Variants in MTA3 observed in about 807,000 individuals in gnomAD.
MTA3 encodes the protein metastasis-associated protein MTA3.
Under a neutral mutation model 83.5 loss-of-function variants are expected in MTA3, and 34 were observed. The observed-to-expected ratio is 0.41, with a 90% confidence interval of 0.31 to 0.54. MTA3 has a LOEUF of 0.54. MTA3 is among the 20% of genes least tolerant of loss of function. The pLI, the probability that MTA3 is intolerant of heterozygous loss-of-function variation, is 0.33. For missense variants in MTA3, 761 were observed against 726.4 expected (o/e 1.05, Z -0.55); for synonymous variants, 303 against 252.7 (o/e 1.20, Z -1.89).
chr2:42,724,672 C>G (rs1469672960), intron 16 of MTA3, among the ~76,000 whole-genome samples: 1 of 151,980 alleles, frequency 6.6e-6, no homozygotes, highest in Non-Finnish European at 1.5e-5. Context: ...GTTACTGTGA[C>G]TGATGTTAGC....
chr2:42,737,839 T>TA (rs2104575665), intron 16 of MTA3, among the ~76,000 whole-genome samples: 1 of 152,324 alleles, frequency 6.6e-6, no homozygotes, highest in South Asian at 2.1e-4. Flanking sequence ...CAGGCCCAGA[T>TA]TTGTATATTG....
intron 4 of MTA3, among the ~76,000 whole-genome samples, chr2:42,632,839 CTTCTT>C (rs1686816177): frequency 1.3e-5 from 2 of 151,902 alleles, no homozygotes; most frequent in Admixed American, 1.3e-4. Flanking sequence ...GTGTGTGTGG[CTTCTT>C]TTAAGTTTTA....
chr2:42,708,446 G>A (rs1261945457), intron 13 of MTA3, among the ~76,000 whole-genome samples: 3 of 152,154 alleles, frequency 2.0e-5, no homozygotes, highest in African/African-American at 7.2e-5. Flanking sequence ...AAGAAGTATG[G>A]ACTTAATCTT....
At chr2:42,703,787 G>T in intron 11 of MTA3, 1 of 161,180 alleles carries the variant, frequency 6.2e-6, no homozygotes, top group Non-Finnish European at 1.4e-5. Context: ...CTACTAGGGA[G>T]GCTGAGACAG....
chr2:42,740,726 A>G (rs1668964646), intron 16 of MTA3, among the ~76,000 whole-genome samples: 1 of 152,244 alleles, frequency 6.6e-6, no homozygotes, highest in Non-Finnish European at 1.5e-5. Flanking sequence ...AGCTTAAGAT[A>G]TTCCGTAAAC....
intron 11 of MTA3, among the ~76,000 whole-genome samples, chr2:42,701,087 G>C (rs1693817598): frequency 6.6e-6 from 1 of 151,986 alleles, no homozygotes; most frequent in Admixed American, 6.6e-5. Flanking sequence ...AACAGAGTGA[G>C]ACCCTGTCTC....
intron 3 of MTA3, 39 bp downstream of exon 3, chr2:42,579,239 CTT>C: frequency 6.9e-7 from 1 of 1,456,334 alleles, no homozygotes; most frequent in African/African-American, 1.4e-5. Flanking sequence ...CGTTTTAAGT[CTT>C]GTGTTTTTTG....
Position 42,557,755 on chromosome 2 carries a change from A to T in MTA3, c.-140-12682A>T, listed in dbSNP as rs1346105998. ...CCTTTTTGAAATCAAGAGTGCAAAT[A>T]AACTTCCCTCTGTCTCTTATAGAAA... On this transcript the variant is annotated intron_variant, in intron 2 of 17. Coordinates refer to the MTA3 transcript ENST00000405592. Among the ~76,000 whole-genome samples the T allele has an allele frequency of 2.0e-5, 3 of 152,222 alleles. No individual in the cohort carries two copies. In the South Asian group the frequency reaches 6.2e-4, roughly 31 times the overall value.
Position 42,756,713 on chromosome 2 carries a change from TC to T in MTA3, c.*3320del. 1.0e-6 allele frequency: 1 copy of T among 985,280 alleles called. No homozygotes were observed. Among genetic ancestry groups the T allele is most frequent in the Non-Finnish European group, 1.2e-6 (1 of 829,940 alleles). The allele number at this position is 985,280 out of a possible 1,614,324, so 61.0% of individuals were successfully genotyped here. On this transcript the variant is annotated 3_prime_UTR_variant, in exon 17 of 17. Transcript: ENST00000405094. ...TCAGTTAGCAGCCCCTCCTCACCAT[TC>T]CCCCCAGGAAGGCCATGTCCCAGTT...
At chr2:42,505,965 G>A (rs769728670) in intron 2 of MTA3, among the ~76,000 whole-genome samples, 1 of 151,758 alleles carries the variant, frequency 6.6e-6, no homozygotes. Flanking sequence ...GCGTTTCACC[G>A]TGTCAGCCAG....
At chr2:42,747,203 T>C (rs1669507330) in intron 16 of MTA3, among the ~76,000 whole-genome samples, 1 of 152,148 alleles carries the variant, frequency 6.6e-6, no homozygotes, top group Admixed American at 6.5e-5. Flanking sequence ...TCTCGCCATG[T>C]TGGCCAGGCT....
rs558993670 is a variant in MTA3 at position 42,643,044 on chromosome 2, C to G, written c.382-1083C>G. Among the ~76,000 whole-genome samples, 36 of 143,622 alleles carry G rather than the reference C, an allele frequency of 2.5e-4. No individual in the cohort carries two copies. The East Asian group carries it at 3.1e-3, about 12-fold the overall frequency. 94.2% of individuals were successfully genotyped at this position (143,622 alleles called of 152,430 possible). ...TCACATATTGGTGTCTCCCCCCCCC[C>G]CCTTTTTTTTTTAACAGTTTTTTTG... On this transcript the variant is annotated intron_variant, in intron 5 of 16. Coordinates refer to ENST00000405094, the MANE Select transcript of MTA3 (RefSeq NM_001330442.2).
At chr2:42,701,291 C>CAA (rs35602598) in intron 11 of MTA3, among the ~76,000 whole-genome samples, 5,105 of 69,600 alleles carry the variant, frequency 0.073, 323 homozygotes, top group African/African-American at 0.14. Flanking sequence ...GACCCTGCCT[C>CAA]AAAAAAAAAA....
chr2:42,575,536 T>C (rs1394305137), intron 2 of MTA3, among the ~76,000 whole-genome samples: 8 of 152,158 alleles, frequency 5.3e-5, no homozygotes, highest in African/African-American at 1.9e-4. Context: ...CAGGTACTTT[T>C]AGACAGTGAG....
At chr2:42,751,183 A>C (rs1669847502) in intron 16 of MTA3, among the ~76,000 whole-genome samples, 1 of 152,228 alleles carries the variant, frequency 6.6e-6, no homozygotes, top group Admixed American at 6.5e-5. Flanking sequence ...ATTTAAGTGC[A>C]GAATCTCCAA....
At chr2:42,648,642 G>T (rs1003355660) in intron 6 of MTA3, among the ~76,000 whole-genome samples, 1 of 152,146 alleles carries the variant, frequency 6.6e-6, no homozygotes, top group Non-Finnish European at 1.5e-5. Context: ...TCTGAAAAGA[G>T]TATGTAGTTT....
chr2:42,597,495 C>T (rs539495042), intron 3 of MTA3, among the ~76,000 whole-genome samples: 5 of 149,390 alleles, frequency 3.3e-5, no homozygotes, highest in South Asian at 2.1e-4. Context: ...AAGCAATTCT[C>T]CTGCCTCAGC....
intron 2 of MTA3, among the ~76,000 whole-genome samples, chr2:42,509,747 G>A (rs1376857660): frequency 6.6e-6 from 1 of 151,662 alleles, no homozygotes; most frequent in Non-Finnish European, 1.5e-5. Context: ...CTTTAGTCTG[G>A]GCGACACAGT....
intron 5 of MTA3, among the ~76,000 whole-genome samples, chr2:42,641,866 T>TA (rs921391334): frequency 5.5e-4 from 79 of 144,316 alleles, no homozygotes; most frequent in Non-Finnish European, 6.6e-4. Context: ...GACCTTGTCT[T>TA]AAAAAAAAAA....
Sources: gnomAD v4.1 joint callset for allele counts (sites outside exome capture counted in the v4.1 genomes callset) on GRCh38, gnomAD v4.1.1 for gene constraint, MANE v1.5 for transcripts, NCBI Gene and HGNC (gene_info 2026-07-23, HGNC 2026-07-21) for gene names.